Variants in MAGI2 observed in about 807,000 individuals in gnomAD.
The protein encoded by MAGI2 is membrane-associated guanylate kinase, WW and PDZ domain-containing protein 2.
In MAGI2, 35 loss-of-function variants were observed where a neutral mutation model predicts 133.3. The ratio of observed to expected loss-of-function variants is 0.26; its 90% CI spans 0.20 to 0.35. MAGI2 has a LOEUF of 0.35. Ranked by LOEUF, MAGI2 falls within the 10% of genes least tolerant of loss-of-function variation. The pLI is 1.00. For synonymous variants in MAGI2, 729 were observed against 710.6 expected, an observed-to-expected ratio of 1.03 and a Z score of -0.41; for missense variants, 1,636 against 1,863.4, an observed-to-expected ratio of 0.88 and a Z score of 2.25.
intron 6 of MAGI2, among the ~76,000 whole-genome samples, chr7:78,446,204 C>CAA (rs1788124146): frequency 6.6e-6 from 1 of 151,682 alleles, no homozygotes; most frequent in Non-Finnish European, 1.5e-5. Flanking sequence ...TTATTTATGG[C>CAA]AATTTTTAAT....
intron 20 of MAGI2, among the ~76,000 whole-genome samples, chr7:78,121,052 T>C (rs1019967765): frequency 2.7e-5 from 4 of 148,754 alleles, no homozygotes; most frequent in South Asian, 2.1e-4. Context: ...GTTATCCATA[T>C]GGAAAAATTG....
At chr7:79,052,525 G>C (rs1234923202) in intron 1 of MAGI2, among the ~76,000 whole-genome samples, 1 of 152,172 alleles carries the variant, frequency 6.6e-6, no homozygotes, top group African/African-American at 2.4e-5. Context: ...CATTGACTTG[G>C]ATGCTCCCAT....
chr7:78,072,140 A>AT (rs779478514), intron 21 of MAGI2, among the ~76,000 whole-genome samples: 40 of 152,186 alleles, frequency 2.6e-4, no homozygotes, highest in Non-Finnish European at 5.0e-4. Context: ...TTTAGAAATA[A>AT]TTCAGACAAG....
At chr7:78,138,022 AG>A (rs1335660690) in intron 16 of MAGI2, among the ~76,000 whole-genome samples, 2 of 152,246 alleles carry the variant, frequency 1.3e-5, no homozygotes, top group African/African-American at 4.8e-5. Flanking sequence ...TTTACAGTAG[AG>A]GAAACTGAAG....
intron 21 of MAGI2, among the ~76,000 whole-genome samples, 173 bp from the exon 22 acceptor site, chr7:78,020,149 C>CG (rs1169151426): frequency 4.6e-5 from 7 of 151,144 alleles, no homozygotes. Context: ...GCCGCGCCCC[C>CG]GGGGATTTGG....
chr7:78,255,528 C>T (rs1792877694), intron 10 of MAGI2: 10 of 337,514 alleles, frequency 3.0e-5, no homozygotes, highest in South Asian at 2.8e-4. Flanking sequence ...CTTCCACCTG[C>T]TAGCCTGGAA....
At chr7:78,093,837 CA>C (rs1310646512) in intron 20 of MAGI2, among the ~76,000 whole-genome samples, 1 of 151,970 alleles carries the variant, frequency 6.6e-6, no homozygotes, top group South Asian at 2.1e-4. Flanking sequence ...GTGAACCACC[CA>C]AATGAAAAAA....
intron 1 of MAGI2, among the ~76,000 whole-genome samples, chr7:79,075,282 G>A (rs1245071445): frequency 1.3e-5 from 2 of 152,038 alleles, no homozygotes; most frequent in Admixed American, 6.6e-5. Flanking sequence ...ATGCCTTAGA[G>A]CAATCATGAT....
At chr7:78,465,323 A>G (rs7803705) in intron 6 of MAGI2, among the ~76,000 whole-genome samples, 40,494 of 152,088 alleles carry the variant, frequency 0.27, 5,704 homozygotes, top group Middle Eastern at 0.32. Flanking sequence ...GTATTACAGA[A>G]TAGCAATGGG....
chr7:78,329,858 T>C (rs564084275), intron 9 of MAGI2, among the ~76,000 whole-genome samples: 11 of 152,178 alleles, frequency 7.2e-5, no homozygotes, highest in Non-Finnish European at 1.6e-4. Flanking sequence ...AGGTGAAATG[T>C]CCCTATTTCA....
chr7:79,441,900 T>C (rs1007108627), intron 1 of MAGI2, among the ~76,000 whole-genome samples: 4 of 152,156 alleles, frequency 2.6e-5, no homozygotes, highest in African/African-American at 9.7e-5. Context: ...GTCTCTCATT[T>C]TACTCTGAGA....
At chr7:78,639,326 A>G (rs1341744537) in intron 2 of MAGI2, among the ~76,000 whole-genome samples, 2 of 151,858 alleles carry the variant, frequency 1.3e-5, no homozygotes, top group Non-Finnish European at 2.9e-5. Flanking sequence ...GGCATAAATC[A>G]CATGTCTGAG....
chr7:78,586,859 G>A (rs1019393478), intron 3 of MAGI2, among the ~76,000 whole-genome samples: 4 of 152,174 alleles, frequency 2.6e-5, no homozygotes, highest in Non-Finnish European at 4.4e-5. Flanking sequence ...TTTTCACTAA[G>A]TATAATGTCT....
In MAGI2 at chr7:79,162,168, A is replaced by G. The variant is rs76954130; in HGVS notation, c.302-154962T>C. On this transcript the variant is annotated intron_variant, in intron 1 of 21. Coordinates refer to ENST00000354212, the MANE Select transcript of MAGI2 (RefSeq NM_012301.4). ...ACAGATTGAATAATTATTCTTGGCT[A>G]CAATAATCCTCTAGAGAGCACCAGA... is the stretch of plus-strand genomic sequence containing the variant. 0.013 allele frequency among the ~76,000 whole-genome samples: 2,000 copies of G among 152,202 alleles called. 101 individuals are homozygous for G. The East Asian group carries it at 0.15, about 11-fold the overall frequency.
intron 6 of MAGI2, 92 bp from the exon 7 acceptor site, chr7:78,369,305 G>A (rs866789021): frequency 2.2e-6 from 2 of 893,290 alleles, no homozygotes; most frequent in African/African-American, 1.7e-5. Flanking sequence ...TTGCAGAAAT[G>A]GTCTGCCAAA....
At chr7:78,036,415 A>G (rs1293905286) in intron 21 of MAGI2, among the ~76,000 whole-genome samples, 2 of 152,066 alleles carry the variant, frequency 1.3e-5, no homozygotes, top group Non-Finnish European at 2.9e-5. Flanking sequence ...TAATAATAAT[A>G]ATGATGGTAA....
At chr7:78,930,401 T>A (rs985550935) in intron 2 of MAGI2, among the ~76,000 whole-genome samples, 1 of 152,128 alleles carries the variant, frequency 6.6e-6, no homozygotes, top group Non-Finnish European at 1.5e-5. Flanking sequence ...CTCATTAGCA[T>A]CTACAGAAAT....
chr7:78,826,750 C>A (rs1482276878), intron 2 of MAGI2, among the ~76,000 whole-genome samples: 1 of 152,210 alleles, frequency 6.6e-6, no homozygotes. Flanking sequence ...GAAACAGCCT[C>A]ACTGACGGAG....
chr7:78,636,752 C>G (rs576168572), intron 2 of MAGI2, among the ~76,000 whole-genome samples: 1 of 152,018 alleles, frequency 6.6e-6, no homozygotes, highest in African/African-American at 2.4e-5. Flanking sequence ...GAGTCGAGAT[C>G]GTGCCACTGC....
Sources: gnomAD v4.1 joint callset for allele counts (sites outside exome capture counted in the v4.1 genomes callset) on GRCh38, gnomAD v4.1.1 for gene constraint, MANE v1.5 for transcripts, NCBI Gene and HGNC (gene_info 2026-07-23, HGNC 2026-07-21) for gene names.